Variants in TNRC6B observed in about 807,000 individuals in gnomAD.
The protein encoded by TNRC6B is trinucleotide repeat-containing gene 6B protein.
In TNRC6B, 52 loss-of-function variants were observed where a neutral mutation model predicts 203.6. The ratio of observed to expected loss-of-function variants is 0.26; its 90% CI spans 0.20 to 0.32. The LOEUF (loss-of-function observed/expected upper bound fraction) is 0.32, where lower values mean the gene tolerates loss of function less well. TNRC6B is among the 10% of genes least tolerant of loss of function. TNRC6B has a pLI of 1.00. For missense variants in TNRC6B, 1,923 were observed against 2,286.2 expected (o/e 0.84, Z 3.24); for synonymous variants, 838 against 845.7 (o/e 0.99, Z 0.16).
intron 1 of TNRC6B, among the ~76,000 whole-genome samples, chr22:40,056,052 A>G (rs2067792115): frequency 6.6e-6 from 1 of 152,136 alleles, no homozygotes; most frequent in Non-Finnish European, 1.5e-5. Context: ...TTTGTTTTCA[A>G]TGTCTCTTTC....
intron 4 of TNRC6B, among the ~76,000 whole-genome samples, chr22:40,171,071 T>C (rs2068991614): frequency 1.3e-5 from 2 of 149,568 alleles, no homozygotes. Context: ...TGTATCTATA[T>C]ATGTATGTTT....
intron 1 of TNRC6B, among the ~76,000 whole-genome samples, chr22:40,185,566 GA>G: frequency 6.6e-6 from 1 of 152,320 alleles, no homozygotes; most frequent in African/African-American, 2.4e-5. Context: ...GTGGTGAGTA[GA>G]CTCATGGCAG....
intron 6 of TNRC6B, among the ~76,000 whole-genome samples, chr22:40,270,816 G>T (rs937176606): frequency 1.3e-5 from 2 of 152,160 alleles, no homozygotes; most frequent in Non-Finnish European, 2.9e-5. Flanking sequence ...AGTTAATTTT[G>T]TTTTAAATTT....
intron 1 of TNRC6B, among the ~76,000 whole-genome samples, chr22:40,217,279 A>G (rs2069648075): frequency 6.6e-6 from 1 of 152,192 alleles, no homozygotes; most frequent in Non-Finnish European, 1.5e-5. Context: ...GTTTTGTTGA[A>G]GTTGGATTTT....
chr22:40,283,765 G>A (rs2070748438), intron 11 of TNRC6B, among the ~76,000 whole-genome samples: 1 of 152,168 alleles, frequency 6.6e-6, no homozygotes, highest in South Asian at 2.1e-4. Context: ...CTGGGAAGAG[G>A]AAAGTAGGAA....
intron 1 of TNRC6B, among the ~76,000 whole-genome samples, chr22:40,210,890 C>T (rs957864286): frequency 2.8e-4 from 43 of 152,260 alleles, no homozygotes; most frequent in African/African-American, 9.6e-4. Context: ...AGGTGTTTAG[C>T]AGCCTCCTAA....
At chr22:40,046,517 G>T (rs886601462) in intron 1 of TNRC6B, among the ~76,000 whole-genome samples, 9 of 151,872 alleles carry the variant, frequency 5.9e-5, no homozygotes, top group African/African-American at 2.2e-4. Context: ...TGAGCAGAGT[G>T]GTTTCTGATA....
intron 1 of TNRC6B, among the ~76,000 whole-genome samples, chr22:40,075,414 C>T (rs961297896): frequency 1.2e-4 from 18 of 151,476 alleles, no homozygotes; most frequent in Admixed American, 9.8e-4. Flanking sequence ...ATTTCTTATC[C>T]TGAAGGCTAT....
At chr22:40,218,632 CAA>C (rs933012242) in intron 1 of TNRC6B, among the ~76,000 whole-genome samples, 2 of 152,078 alleles carry the variant, frequency 1.3e-5, no homozygotes, top group Non-Finnish European at 1.5e-5. Flanking sequence ...CGGGCTGAGG[CAA>C]AAGACTCAAG....
Position 40,213,705 on chromosome 22 carries a change from A to T in TNRC6B, c.6-32310A>T, listed in dbSNP as rs192205168. Among the ~76,000 whole-genome samples, 306 of 152,300 alleles carry T rather than the reference A, an allele frequency of 2.0e-3. 1 individual carries two copies. Among genetic ancestry groups the T allele is most frequent in the African/African-American group, 7.2e-3 (299 of 41,548 alleles). On this transcript the variant is annotated intron_variant, in intron 1 of 22. Transcript: ENST00000454349. ...CAGGAGGAAATGATGAGTGCCTGGG[A>T]GGCTGCATAGAGTGCAGTGATCGCA...
In TNRC6B at chr22:40,124,827, A is replaced by G. The variant is rs2068474781; in HGVS notation, c.-46-945A>G. ...CAGGAGTTCAAGACCAGTCTATCCA[A>G]CATAGTGAAACCCTGTCTCTACTAA... On this transcript the variant is annotated intron_variant, in intron 2 of 23. Coordinates refer to the TNRC6B transcript ENST00000301923. 1.3e-5 allele frequency among the ~76,000 whole-genome samples: 2 copies of G among 151,964 alleles called. 1 individual carries two copies. Among genetic ancestry groups the G allele is most frequent in the South Asian group, 4.2e-4 (2 of 4,812 alleles).
At chr22:40,100,243 C>A in intron 1 of TNRC6B, among the ~76,000 whole-genome samples, 1 of 152,058 alleles carries the variant, frequency 6.6e-6, no homozygotes, top group East Asian at 1.9e-4. Context: ...TGTGCCACCA[C>A]ACCCAGCTAA....
intron 15 of TNRC6B, among the ~76,000 whole-genome samples, chr22:40,305,088 A>G (rs2071073153): frequency 6.6e-6 from 1 of 152,218 alleles, no homozygotes; most frequent in Admixed American, 6.5e-5. Context: ...CAAGGATGTA[A>G]GAATGGAGCC....
chr22:40,089,480 G>C (rs767804449), intron 1 of TNRC6B, among the ~76,000 whole-genome samples: 1 of 152,026 alleles, frequency 6.6e-6, no homozygotes, highest in Non-Finnish European at 1.5e-5. Flanking sequence ...TAATCCACCC[G>C]CCTCAGCCTC....
intron 1 of TNRC6B, among the ~76,000 whole-genome samples, chr22:40,065,527 T>C (rs2067888144): frequency 6.6e-6 from 1 of 152,140 alleles, no homozygotes; most frequent in Admixed American, 6.6e-5. Context: ...AAAGTCAGTT[T>C]TGGTAGTTTG....
At chr22:40,094,416 TATAGTATTTTG>T (rs2068172136) in intron 1 of TNRC6B, among the ~76,000 whole-genome samples, 1 of 152,152 alleles carries the variant, frequency 6.6e-6, no homozygotes, top group African/African-American at 2.4e-5. Flanking sequence ...ATTGATGAAA[TATAGTATTTTG>T]ATAGCAGATA....
At chr22:40,046,049 C>G (rs1207593262) in intron 1 of TNRC6B, among the ~76,000 whole-genome samples, 4 of 152,036 alleles carry the variant, frequency 2.6e-5, no homozygotes, top group Non-Finnish European at 2.9e-5. Flanking sequence ...TAAAACAAGC[C>G]AAGAATCAGT....
chr22:40,087,929 C>T (rs866461109), intron 1 of TNRC6B, among the ~76,000 whole-genome samples: 1 of 152,136 alleles, frequency 6.6e-6, no homozygotes, highest in Non-Finnish European at 1.5e-5. Context: ...TTTTCAGGAC[C>T]TCTTGGTCCT....
rs908544227 is a variant in TNRC6B at position 40,060,336 on chromosome 22, A to T, written c.-121+15338A>T. 7.2e-5 allele frequency among the ~76,000 whole-genome samples: 11 copies of T among 151,846 alleles called. No individual in the cohort carries two copies. In the East Asian group the frequency reaches 1.2e-3, roughly 16 times the overall value. ...CCTGAGTTCAGGTGTGTGCCACCAC[A>T]CCCGGCTAATTTTTATAAATTTATT... is the stretch of plus-strand genomic sequence containing the variant. On this transcript the variant is annotated intron_variant, in intron 1 of 23. Transcript: ENST00000301923.
Sources: allele counts gnomAD v4.1 joint callset (sites outside exome capture counted in the v4.1 genomes callset), GRCh38; gene constraint gnomAD v4.1.1; transcripts MANE v1.5; gene names NCBI Gene and HGNC (gene_info 2026-07-23, HGNC 2026-07-21).